FRMPD4: variants seen among roughly 807,000 people sequenced by gnomAD.
The protein encoded by FRMPD4 is FERM and PDZ domain containing 4.
Under a neutral mutation model 94.1 loss-of-function variants are expected in FRMPD4, and 22 were observed. The observed-to-expected ratio is 0.23, with a 90% CI of 0.17 to 0.33. The LOEUF (loss-of-function observed/expected upper bound fraction) is 0.33, where lower values mean the gene tolerates loss of function less well. FRMPD4 is among the 10% of genes least tolerant of loss of function. The pLI is 1.00. For missense variants in FRMPD4, 1,111 were observed against 1,339.9 expected, an observed-to-expected ratio of 0.83 and a Z score of 2.67; for synonymous variants, 631 against 548.6, an observed-to-expected ratio of 1.15 and a Z score of -2.10.
At chrX:12,680,096 T>C (rs1237993289) in intron 5 of FRMPD4, among the ~76,000 whole-genome samples, 1 of 112,080 alleles carries the variant, frequency 8.9e-6, no homozygotes. Flanking sequence ...AAATTAATCT[T>C]ATTTCTGTAA....
intron 1 of FRMPD4, among the ~76,000 whole-genome samples, chrX:12,380,914 T>C (rs1164303306): frequency 1.8e-5 from 2 of 111,998 alleles, no homozygotes; most frequent in Non-Finnish European, 3.8e-5. Context: ...AAGCAATTTA[T>C]CTGAGATGAT....
At chrX:12,555,979 C>G (rs192937418) in intron 2 of FRMPD4, among the ~76,000 whole-genome samples, 1 of 110,637 alleles carries the variant, frequency 9.0e-6, no homozygotes, top group African/African-American at 3.3e-5. Context: ...TTCAAAGATG[C>G]GATCATAGCT....
intron 1 of FRMPD4, among the ~76,000 whole-genome samples, chrX:11,849,464 A>G (rs1185471910): frequency 1.8e-5 from 2 of 111,415 alleles, no homozygotes; most frequent in Non-Finnish European, 3.8e-5. Flanking sequence ...AATAACCAAA[A>G]CAGTCTTGAA....
At chrX:12,583,748 G>A (rs1230128641) in intron 2 of FRMPD4, among the ~76,000 whole-genome samples, 2 of 112,753 alleles carry the variant, frequency 1.8e-5, no homozygotes, top group Non-Finnish European at 3.8e-5. Flanking sequence ...CCAGCTGTCT[G>A]CAGGTTAACT....
At chrX:11,885,588 A>G (rs1209548986) in intron 3 of FRMPD4, among the ~76,000 whole-genome samples, 1 of 111,399 alleles carries the variant, frequency 9.0e-6, no homozygotes. Flanking sequence ...AAAAATAGCC[A>G]TTGTGTTAAC....
At chrX:12,133,835 CA>C (rs1320845992), upstream of FRMPD4, among the ~76,000 whole-genome samples, 3 of 111,647 alleles carry the variant, frequency 2.7e-5, no homozygotes, top group Non-Finnish European at 5.6e-5. Context: ...AGTGGTCATT[CA>C]AAACATAAGT....
chrX:12,211,731 GACCTGATAGGGCAAAT>G (rs1348032563), intron 1 of FRMPD4, among the ~76,000 whole-genome samples: 2 of 111,601 alleles, frequency 1.8e-5, no homozygotes, highest in Non-Finnish European at 3.8e-5. Flanking sequence ...TGCTTCCAGT[GACCTGATAGGGCAAAT>G]CAGTATGCAA....
At chrX:12,477,672 A>C (rs969516207) in intron 1 of FRMPD4, among the ~76,000 whole-genome samples, 4 of 112,581 alleles carry the variant, frequency 3.6e-5, no homozygotes, top group African/African-American at 1.3e-4. Flanking sequence ...ATTCATATTT[A>C]GCAACAAATG....
At chrX:11,960,956 G>A (rs1038556461) in intron 3 of FRMPD4, among the ~76,000 whole-genome samples, 1 of 111,854 alleles carries the variant, frequency 8.9e-6, no homozygotes, top group Non-Finnish European at 1.9e-5. Context: ...AACCAGTATT[G>A]GAAACAAGAA....
At chrX:11,828,740 G>GT (rs58015542) in intron 1 of FRMPD4, among the ~76,000 whole-genome samples, 5,362 of 111,683 alleles carry the variant, frequency 0.048, 308 homozygotes, top group African/African-American at 0.17. Context: ...CAAGGTCGCA[G>GT]TTTTTTTTCA....
At chrX:12,261,844 A>G (rs1420400214) in intron 1 of FRMPD4, among the ~76,000 whole-genome samples, 1 of 112,102 alleles carries the variant, frequency 8.9e-6, no homozygotes, top group African/African-American at 3.2e-5. Context: ...AAAAGCACAA[A>G]TGTCAATATA....
chrX:12,065,053 G>C (rs148857410), intron 3 of FRMPD4, among the ~76,000 whole-genome samples: 316 of 112,052 alleles, frequency 2.8e-3, no homozygotes, highest in African/African-American at 9.9e-3. Flanking sequence ...GAGTAATTAA[G>C]CTTGTGTAGT....
At chrX:12,609,394 G>A (rs956157087) in intron 2 of FRMPD4, among the ~76,000 whole-genome samples, 1 of 112,097 alleles carries the variant, frequency 8.9e-6, no homozygotes, top group Non-Finnish European at 1.9e-5. Context: ...GATCAGGCAT[G>A]TTGGGGAGCA....
intron 1 of FRMPD4, among the ~76,000 whole-genome samples, chrX:12,453,622 A>C (rs1475932422): frequency 9.0e-6 from 1 of 111,562 alleles, no homozygotes; most frequent in African/African-American, 3.3e-5. Context: ...GGTTACAGGA[A>C]GTTTGGGTTT....
At position 12,603,635 on chromosome X, in the gene FRMPD4, C is replaced by T. The variant is rs371174283; in HGVS notation, c.159-6086C>T. 3.6e-5 allele frequency among the ~76,000 whole-genome samples: 4 copies of T among 111,087 alleles called. No homozygotes were observed. The East Asian group carries it at 8.4e-4, about 23-fold the overall frequency. On this transcript the variant is annotated intron_variant, in intron 2 of 16. Transcript: ENST00000675598. ...TCTGTATTTTTTGGGTCACAGATTC[C>T]TGGCCTATCTGTGTGTTTTTTAGAG...
intron 3 of FRMPD4, among the ~76,000 whole-genome samples, chrX:11,928,976 A>G (rs1403621768): frequency 3.6e-5 from 4 of 112,665 alleles, no homozygotes; most frequent in African/African-American, 1.3e-4. Flanking sequence ...GGGAAGAGCC[A>G]GAGGCCATTA....
At chrX:11,851,776 A>C (rs2053623492) in intron 1 of FRMPD4, among the ~76,000 whole-genome samples, 1 of 111,441 alleles carries the variant, frequency 9.0e-6, no homozygotes, top group Non-Finnish European at 1.9e-5. Flanking sequence ...AGACCTAAGA[A>C]ATGAATTTTT....
intron 1 of FRMPD4, among the ~76,000 whole-genome samples, chrX:12,181,812 C>G (rs76219765): frequency 0.12 from 13,587 of 111,390 alleles, 593 homozygotes; most frequent in South Asian, 0.28. Context: ...GAAGCTAGCT[C>G]TGTCTTCAGG....
chrX:12,170,760 A>C (rs2056206364), intron 1 of FRMPD4, among the ~76,000 whole-genome samples: 1 of 112,474 alleles, frequency 8.9e-6, no homozygotes, highest in African/African-American at 3.2e-5. Flanking sequence ...TAAAGCTCTC[A>C]CTCTAGCAGC....
Sources: gnomAD v4.1 joint callset for allele counts (sites outside exome capture counted in the v4.1 genomes callset) on GRCh38, gnomAD v4.1.1 for gene constraint, MANE v1.5 for transcripts, NCBI Gene and HGNC (gene_info 2026-07-23, HGNC 2026-07-21) for gene names.